The following CERS6 variants were observed in gnomAD, a reference collection of about 807,000 sequenced individuals.
CERS6 encodes the protein ceramide synthase 6.
A neutral mutation model predicts 56.8 loss-of-function variants in CERS6; 26 were observed. That is an observed-to-expected ratio of 0.46 (90% CI 0.34 to 0.63). CERS6 has a LOEUF of 0.63. Among genes scored for constraint, CERS6 ranks in the 30% least tolerant of loss-of-function variants. CERS6 has a pLI of 0.01. For missense variants in CERS6, 415 were observed against 467.5 expected, an observed-to-expected ratio of 0.89 and a Z score of 1.04; for synonymous variants, 164 against 173.3, an observed-to-expected ratio of 0.95 and a Z score of 0.42.
chr2:168,598,811 A>G (rs551331681), intron 3 of CERS6, among the ~76,000 whole-genome samples: 1 of 152,328 alleles, frequency 6.6e-6, no homozygotes, highest in African/African-American at 2.4e-5. Context: ...AACAATTAAT[A>G]TGAACATTTT....
intron 4 of CERS6, among the ~76,000 whole-genome samples, chr2:168,677,221 C>T (rs1243885569): frequency 2.0e-5 from 3 of 151,918 alleles, no homozygotes; most frequent in Admixed American, 6.6e-5. Context: ...TCCCTGTGCC[C>T]ATATGTTCTC....
At position 168,456,627 on chromosome 2, in the gene CERS6, G is replaced by A. The variant is rs752407446; in HGVS notation, c.170+9G>A. On this transcript the variant is annotated intron_variant, in intron 1 of 9. Transcript: ENST00000305747. The surrounding 1 kb of genome is among the most constrained non-coding windows in gnomAD (Gnocchi z 4.1). ...CGGCTCATCTTCGAGAGGTAAGAAG[G>A]GCTGAAGCCCCTCCTCCCCTCCCCC... 6.2e-7 allele frequency: 1 copy of A among 1,612,322 alleles called. No individual in the cohort carries two copies.
chr2:168,764,673 A>G (rs1387837250), intron 8 of CERS6, among the ~76,000 whole-genome samples: 1 of 152,060 alleles, frequency 6.6e-6, no homozygotes, highest in African/African-American at 2.4e-5. Context: ...AGTAATGTTT[A>G]GGAGTTAATC....
At chr2:168,596,774 A>G (rs951941009) in intron 3 of CERS6, among the ~76,000 whole-genome samples, 1 of 151,962 alleles carries the variant, frequency 6.6e-6, no homozygotes, top group African/African-American at 2.4e-5. Context: ...CAGGCTGATC[A>G]TGAACGCTTG....
chr2:168,613,005 G>A (rs886685777), intron 3 of CERS6, among the ~76,000 whole-genome samples: 1 of 152,154 alleles, frequency 6.6e-6, no homozygotes, highest in Admixed American at 6.5e-5. Context: ...GGTGTGTTGG[G>A]CTGGGGAAGA....
At chr2:168,639,167 A>C (rs572871718) in intron 4 of CERS6, among the ~76,000 whole-genome samples, 1 of 152,346 alleles carries the variant, frequency 6.6e-6, no homozygotes, top group Non-Finnish European at 1.5e-5. Flanking sequence ...CTTGACTATG[A>C]AAAACATTGG....
In CERS6 at chr2:168,554,099, A is replaced by C. The variant is rs1205735077; in HGVS notation, c.276+6398A>C. On this transcript the variant is annotated intron_variant, in intron 2 of 9. Transcript: ENST00000305747. ...ACTTTAAATATTGCTCATTTGAATT[A>C]TTAGAGATGGAAAAGAAAGAGTCAT... Among the ~76,000 whole-genome samples, 4 of 152,158 alleles carry C rather than the reference A, an allele frequency of 2.6e-5. No homozygotes were observed. The South Asian group carries it at 8.3e-4, about 31-fold the overall frequency.
intron 6 of CERS6, among the ~76,000 whole-genome samples, chr2:168,711,005 A>G (rs1687075245): frequency 6.6e-6 from 1 of 152,236 alleles, no homozygotes; most frequent in Non-Finnish European, 1.5e-5. Flanking sequence ...TCAATGTGTC[A>G]TGCTGTTTGG....
At chr2:168,495,715 C>A (rs1694454067) in intron 1 of CERS6, among the ~76,000 whole-genome samples, 1 of 152,184 alleles carries the variant, frequency 6.6e-6, no homozygotes, top group Non-Finnish European at 1.5e-5. Flanking sequence ...GTAGTGATGA[C>A]TCATGTGTGC....
chr2:168,505,394 A>AG (rs1405265560), intron 1 of CERS6, among the ~76,000 whole-genome samples: 2 of 150,400 alleles, frequency 1.3e-5, no homozygotes, highest in East Asian at 1.9e-4. Flanking sequence ...AAAAAAAAAA[A>AG]AAAAAAAGAA....
chr2:168,524,910 C>G (rs1695043996), intron 1 of CERS6, among the ~76,000 whole-genome samples: 1 of 151,872 alleles, frequency 6.6e-6, no homozygotes, highest in Non-Finnish European at 1.5e-5. Context: ...ATATCTGTGT[C>G]TATGTCTGTA....
chr2:168,488,898 G>A (rs1442488588), intron 1 of CERS6, among the ~76,000 whole-genome samples: 1 of 151,962 alleles, frequency 6.6e-6, no homozygotes, highest in Non-Finnish European at 1.5e-5. Flanking sequence ...TACATACATT[G>A]AAACCCCACC....
At chr2:168,589,424 C>T (rs1362410039) in intron 3 of CERS6, among the ~76,000 whole-genome samples, 11 of 152,210 alleles carry the variant, frequency 7.2e-5, no homozygotes, top group Non-Finnish European at 1.6e-4. Flanking sequence ...AGTCAGGTAG[C>T]ATGGTTCTGG....
intron 8 of CERS6, among the ~76,000 whole-genome samples, chr2:168,760,048 A>T (rs529215790): frequency 6.6e-5 from 10 of 152,264 alleles, no homozygotes; most frequent in African/African-American, 2.4e-4. Flanking sequence ...CCACGTGATC[A>T]TCACCCAGAT....
chr2:168,757,319 C>T lies in CERS6; in HGVS notation c.846-8273C>T, dbSNP rs1684443921. On this transcript the variant is annotated intron_variant, in intron 8 of 9. Transcript: ENST00000305747. The stretch of plus-strand genomic sequence containing the variant: ...GCAGTGGCAGAATTAAGAATGCAGG[C>T]AGACATACAGCAAATAGGGCAGCAA... Among the ~76,000 whole-genome samples, 4 of 144,180 alleles carry T rather than the reference C, an allele frequency of 2.8e-5. No homozygotes were observed. In the South Asian group the frequency reaches 8.7e-4, roughly 31 times the overall value. The allele number at this position is 144,180 out of a possible 152,430, so 94.6% of individuals were successfully genotyped here.
intron 3 of CERS6, among the ~76,000 whole-genome samples, chr2:168,629,961 C>T (rs13432331): frequency 0.063 from 9,485 of 151,392 alleles, 423 homozygotes; most frequent in Non-Finnish European, 0.093. Flanking sequence ...GGACTATAGA[C>T]GCCCGCCACT....
intron 1 of CERS6, among the ~76,000 whole-genome samples, chr2:168,521,919 T>C (rs184818180): frequency 6.6e-6 from 1 of 152,328 alleles, no homozygotes; most frequent in East Asian, 1.9e-4. Flanking sequence ...TTAGAAGCAG[T>C]TTTTCAAAAG....
chr2:168,766,457 C>A, intron 9 of CERS6: 1 of 938,480 alleles, frequency 1.1e-6, no homozygotes, highest in Non-Finnish European at 1.7e-6. Context: ...CCTATTGGCA[C>A]TGTCTAGAGG....
chr2:168,636,196 A>G (rs1684856078), intron 4 of CERS6, among the ~76,000 whole-genome samples: 1 of 152,158 alleles, frequency 6.6e-6, no homozygotes, highest in African/African-American at 2.4e-5. Context: ...CAAATTTCCC[A>G]TTTCAGAAAA....
Sources: allele counts gnomAD v4.1 joint callset (sites outside exome capture counted in the v4.1 genomes callset), GRCh38; gene constraint gnomAD v4.1.1; non-coding constraint Gnocchi (gnomAD v3.1); transcripts MANE v1.5; gene names NCBI Gene and HGNC (gene_info 2026-07-23, HGNC 2026-07-21).